Variants in CCND3 observed in about 807,000 individuals in gnomAD.
CCND3 encodes cyclin D3, also known as G1/S-specific cyclin-D3.
In CCND3, 9 loss-of-function variants were observed where a neutral mutation model predicts 28.7. The observed-to-expected ratio is 0.31, with a 90% CI of 0.19 to 0.55. CCND3 has a LOEUF of 0.55. Ranked by LOEUF, CCND3 falls within the 20% of genes least tolerant of loss-of-function variation. CCND3 has a pLI of 0.93. For synonymous variants in CCND3, 164 were observed against 163.9 expected (o/e 1.00, Z 0.00); for missense variants, 315 against 385.8 (o/e 0.82, Z 1.54).
intron 1 of CCND3, among the ~76,000 whole-genome samples, chr6:41,967,399 GGATTT>G (rs1561965318): frequency 6.6e-6 from 1 of 152,162 alleles, no homozygotes; most frequent in Non-Finnish European, 1.5e-5. Context: ...AAATATCCCT[GGATTT>G]GATTCCTACC....
At chr6:41,961,003 A>G (rs1288805015) in intron 1 of CCND3, among the ~76,000 whole-genome samples, 1 of 152,206 alleles carries the variant, frequency 6.6e-6, no homozygotes, top group Non-Finnish European at 1.5e-5. Context: ...GAAGCTGGTC[A>G]TGTGCAGGGG....
At chr6:41,992,597 C>T (rs772094910) in intron 1 of CCND3, among the ~76,000 whole-genome samples, 1 of 150,626 alleles carries the variant, frequency 6.6e-6, no homozygotes, top group African/African-American at 2.4e-5. Context: ...AACAGGCATG[C>T]GCCACCACGC....
chr6:41,967,230 A>G (rs1159275885), intron 1 of CCND3, among the ~76,000 whole-genome samples: 1 of 152,144 alleles, frequency 6.6e-6, no homozygotes, highest in African/African-American at 2.4e-5. Flanking sequence ...TCACCTTCCT[A>G]TTCCCAGGGC....
intron 1 of CCND3, among the ~76,000 whole-genome samples, chr6:41,967,285 A>C (rs1336175724): frequency 1.3e-5 from 2 of 152,116 alleles, no homozygotes. Flanking sequence ...ATCCTACCCT[A>C]AGTCTCTTCA....
intron 1 of CCND3, among the ~76,000 whole-genome samples, chr6:42,037,715 C>T (rs367825436): frequency 1.3e-5 from 2 of 151,846 alleles, no homozygotes; most frequent in East Asian, 1.9e-4. Flanking sequence ...GTCGGGTGCA[C>T]CGATTATTAG....
chr6:41,959,900 G>C (rs924249783), intron 1 of CCND3, among the ~76,000 whole-genome samples: 4 of 150,434 alleles, frequency 2.7e-5, no homozygotes, highest in Non-Finnish European at 5.9e-5. Context: ...AGGTTGCAGT[G>C]AGCTGAGATC....
chr6:41,985,522 C>G (rs1762461391), intron 1 of CCND3, among the ~76,000 whole-genome samples: 1 of 151,950 alleles, frequency 6.6e-6, no homozygotes, highest in South Asian at 2.1e-4. Flanking sequence ...ACCATGTTGG[C>G]CAGGCTGGTC....
In CCND3 at chr6:41,936,179, A is replaced by G; in HGVS notation, c.712-72T>C. On this transcript the variant is annotated intron_variant, in intron 4 of 4. Coordinates refer to ENST00000372991, the MANE Select transcript of CCND3 (RefSeq NM_001760.5). The surrounding 1 kb of genome is among the most constrained non-coding windows in gnomAD (Gnocchi z 4.4). ...ATCTGGCAGCAGGTGCAGGGGAAGG[A>G]CAGCTCCCAACACATGGGGAAGTCT... The G allele has an allele frequency of 6.8e-7, 1 of 1,465,332 alleles. No homozygotes were observed. The highest frequency in any genetic ancestry group is 1.3e-5 in the South Asian group (1 of 74,646). 90.8% of individuals were successfully genotyped at this position (1,465,332 alleles called of 1,614,324 possible).
chr6:41,956,015 C>T (rs1269836988), intron 1 of CCND3, among the ~76,000 whole-genome samples: 2 of 152,202 alleles, frequency 1.3e-5, no homozygotes, highest in East Asian at 3.9e-4. Flanking sequence ...AATGTAGGGC[C>T]GGGCGTGGTG....
intron 2 of CCND3, 173 bp from the exon 3 acceptor site, chr6:41,937,567 G>A (rs1775849758): frequency 6.1e-6 from 4 of 660,008 alleles, no homozygotes; most frequent in Non-Finnish European, 1.0e-5. Context: ...CAGGGAAGAG[G>A]AGGAGGCATG....
chr6:41,965,756 C>G (rs1295249483), intron 1 of CCND3, among the ~76,000 whole-genome samples: 1 of 152,190 alleles, frequency 6.6e-6, no homozygotes, highest in Non-Finnish European at 1.5e-5. Context: ...AAGCGCCCTC[C>G]CACCCCAAAG....
intron 1 of CCND3, among the ~76,000 whole-genome samples, chr6:41,989,732 T>C: frequency 6.6e-6 from 1 of 152,192 alleles, no homozygotes; most frequent in Non-Finnish European, 1.5e-5. Flanking sequence ...CTGGTGGGAA[T>C]GCAAAATGGT....
chr6:42,022,747 A>G (rs774174272), intron 1 of CCND3, among the ~76,000 whole-genome samples: 19 of 152,076 alleles, frequency 1.2e-4, no homozygotes, highest in Non-Finnish European at 2.1e-4. Flanking sequence ...CCCCATGTGC[A>G]GTGGGGAAGT....
chr6:41,940,814 G>A (rs923456336), intron 1 of CCND3: 4 of 982,066 alleles, frequency 4.1e-6, no homozygotes, highest in Non-Finnish European at 6.6e-6. Context: ...GAGTGGTAAA[G>A]CCAAGGAGCC....
Position 41,935,869 on chromosome 6 carries a change from C to T in CCND3, c.*71G>A. The T allele has an allele frequency of 7.0e-7, 1 of 1,431,962 alleles. No homozygotes were observed. Among genetic ancestry groups the T allele is most frequent in the Non-Finnish European group, 9.6e-7 (1 of 1,038,590 alleles). 88.7% of individuals were successfully genotyped at this position (1,431,962 alleles called of 1,614,324 possible). On this transcript the variant is annotated 3_prime_UTR_variant, in exon 5 of 5. Coordinates refer to ENST00000372991, the MANE Select transcript of CCND3 (RefSeq NM_001760.5). ...TTCAGGCTTAGATGTGGTGTGGTTCCTGGAGGCAGGGAGGTGGGTGGCAGC... is the reference window on the plus strand; with the variant it reads ...TTCAGGCTTAGATGTGGTGTGGTTCTTGGAGGCAGGGAGGTGGGTGGCAGC...
intron 1 of CCND3, among the ~76,000 whole-genome samples, chr6:42,027,532 T>A (rs1469910740): frequency 6.6e-6 from 1 of 151,976 alleles, no homozygotes; most frequent in Non-Finnish European, 1.5e-5. Flanking sequence ...CCCAATTTAT[T>A]CCTCCCTCGA....
chr6:42,045,702 G>C (rs573541716), intron 1 of CCND3, among the ~76,000 whole-genome samples: 1 of 152,358 alleles, frequency 6.6e-6, no homozygotes, highest in East Asian at 1.9e-4. Flanking sequence ...GGCAGGCCTT[G>C]ACAGCTCTTT....
At chr6:42,010,273 G>T (rs1290957842) in intron 1 of CCND3, among the ~76,000 whole-genome samples, 1 of 152,176 alleles carries the variant, frequency 6.6e-6, no homozygotes, top group Non-Finnish European at 1.5e-5. Flanking sequence ...AGAAAGGGAG[G>T]GGGGCAGTGG....
At position 41,935,583 on chromosome 6, in the gene CCND3, T is replaced by G; in HGVS notation, c.*357A>C. On this transcript the variant is annotated 3_prime_UTR_variant, in exon 5 of 5. Coordinates refer to ENST00000372991, the MANE Select transcript of CCND3 (RefSeq NM_001760.5). Reference sequence around the variant, plus strand: ...AACACCTTTAGAAGGCACTAGAGCATTTTGGCAGTTGAAAACATGAGAGCC... The same window carrying G: ...AACACCTTTAGAAGGCACTAGAGCAGTTTGGCAGTTGAAAACATGAGAGCC... The G allele has an allele frequency of 6.5e-6, 3 of 463,062 alleles. No homozygotes were observed. Among genetic ancestry groups the G allele is most frequent in the East Asian group, 3.1e-5 (1 of 31,996 alleles). The allele number at this position is 463,062 out of a possible 1,614,324, so 28.7% of individuals were successfully genotyped here.
Sources: gnomAD v4.1 joint callset for allele counts (sites outside exome capture counted in the v4.1 genomes callset) on GRCh38, gnomAD v4.1.1 for gene constraint, Gnocchi (gnomAD v3.1) non-coding constraint, MANE v1.5 for transcripts, NCBI Gene and HGNC (gene_info 2026-07-23, HGNC 2026-07-21) for gene names.